FNDC7: variants seen among roughly 807,000 people sequenced by gnomAD.
The protein encoded by FNDC7 is fibronectin type III domain-containing protein 7.
FNDC7 carries 66 observed loss-of-function variants against 74.2 expected under a neutral mutation model. That is an observed-to-expected ratio of 0.89 (90% confidence interval 0.73 to 1.09). The LOEUF is 1.09. FNDC7 is among the 50% of genes least tolerant of loss of function. The probability of loss-of-function intolerance (pLI) is 0.00; values close to 1 mark genes in which losing one functional copy is unlikely to be tolerated. For synonymous variants in FNDC7, 307 were observed against 330.2 expected, an observed-to-expected ratio of 0.93 and a Z score of 0.76; for missense variants, 829 against 893.4, an observed-to-expected ratio of 0.93 and a Z score of 0.92.
intron 4 of FNDC7, among the ~76,000 whole-genome samples, chr1:108,720,527 C>A (rs1661071135): frequency 6.6e-6 from 1 of 152,152 alleles, no homozygotes; most frequent in African/African-American, 2.4e-5. Flanking sequence ...TTAGATTTCA[C>A]CTCTGGATTA....
intron 1 of FNDC7, 125 bp from the exon 2 acceptor site, chr1:108,713,386 G>A (rs1660910808): frequency 1.3e-6 from 1 of 796,578 alleles, no homozygotes; most frequent in South Asian, 1.6e-5. Context: ...TGTATGGATT[G>A]AAAGACTGCT....
Position 108,730,901 on chromosome 1 carries a change from G to A in FNDC7, c.1852G>A (p.Asp618Asn). 6.2e-7 allele frequency: 1 copy of A among 1,612,800 alleles called. No individual in the cohort carries two copies. Among genetic ancestry groups the A allele is most frequent in the East Asian group, 2.2e-5 (1 of 44,866 alleles). The change falls in exon 9 of 13, where the codon GAT (aspartate) becomes AAT (asparagine). Residue 618 changes from aspartate to asparagine, a missense_variant. Asp to Asn is a conservative substitution (Grantham distance 23, BLOSUM62 1). Transcript: ENST00000370017. The stretch of plus-strand genomic sequence containing the variant: ...AATTAGTGCCACCGGGTTGACTGCA[G>A]ATTGCTCCTACCAAAGTTATTTCTC... ...KAISATGLTA[D>N]CSYQSYFSGA...
intron 11 of FNDC7, 130 bp from the exon 12 acceptor site, chr1:108,741,643 T>C (rs921868482): frequency 6.0e-5 from 54 of 897,326 alleles, no homozygotes; most frequent in Non-Finnish European, 8.5e-5. Flanking sequence ...CATGTTTACT[T>C]GCCGTGAAGT....
intron 9 of FNDC7, among the ~76,000 whole-genome samples, 188 bp from the exon 10 acceptor site, chr1:108,733,084 T>C (rs1032532669): frequency 6.6e-6 from 1 of 152,098 alleles, no homozygotes; most frequent in African/African-American, 2.4e-5. Context: ...ACCCATGGAT[T>C]TCTGATTATG....
In FNDC7 at chr1:108,728,052, G is replaced by T. The variant is rs1661259400; in HGVS notation, c.1356G>T (p.Gln452His). 1.2e-6 allele frequency: 2 copies of T among 1,613,716 alleles called. No homozygotes were observed. The highest frequency in any genetic ancestry group is 8.5e-7 in the Non-Finnish European group (1 of 1,179,762). The change falls in exon 7 of 13, where the codon CAG (glutamine) becomes CAT (histidine). Residue 452 changes from glutamine (Q) to histidine (H), a missense_variant. Coordinates refer to ENST00000370017, the MANE Select transcript of FNDC7 (RefSeq NM_001144937.3). ...VRGSNMSCTP[Q>H]FITTAPCSPE... ...GCAGCAATATGTCATGTACTCCCCA[G>T]TTCATAACCACAGGTAAGGCACAGC...
intron 7 of FNDC7, among the ~76,000 whole-genome samples, chr1:108,728,337 G>A (rs1661265982): frequency 1.3e-5 from 2 of 152,296 alleles, no homozygotes; most frequent in South Asian, 4.1e-4. Context: ...CTATCTTTGA[G>A]GGGCCTGCCT....
chr1:108,735,407 A>G (rs761880312), intron 10 of FNDC7, among the ~76,000 whole-genome samples: 1 of 151,914 alleles, frequency 6.6e-6, no homozygotes, highest in Non-Finnish European at 1.5e-5. Flanking sequence ...AAACTTTTCC[A>G]TTTCCCCATA....
intron 11 of FNDC7, among the ~76,000 whole-genome samples, chr1:108,740,988 G>C (rs1048258799): frequency 1.3e-5 from 2 of 152,160 alleles, no homozygotes; most frequent in African/African-American, 4.8e-5. Context: ...TGTGGTCCTG[G>C]TGCCAAAAGT....
chr1:108,728,864 C>G lies in FNDC7; in HGVS notation c.1602C>G (p.Ser534Arg). The change falls in exon 8 of 13, where the codon AGC becomes AGG. Residue 534 changes from serine (S) to arginine (R), a missense_variant. Coordinates refer to ENST00000370017, the MANE Select transcript of FNDC7 (RefSeq NM_001144937.3). ...CACAGGCAGGACGGAGCCTGCCCAG[C>G]TACAGTGTGCCCCTGGAAACAGGTA... ...AETQAGRSLP[S>R]YSVPLETVPC... is the part of the protein sequence containing the mutation. The G allele has an allele frequency of 6.2e-7, 1 of 1,614,124 alleles. No homozygotes were observed. The highest frequency in any genetic ancestry group is 8.5e-7 in the Non-Finnish European group (1 of 1,180,004).
chr1:108,728,955 C>T (rs924130148), intron 8 of FNDC7, 69 bp downstream of exon 8: 4 of 1,560,574 alleles, frequency 2.6e-6, no homozygotes, highest in East Asian at 2.3e-5. Flanking sequence ...AAGACATGAA[C>T]TTCCTTATTT....
At position 108,730,676 on chromosome 1, in the gene FNDC7, C is replaced by T. The variant is rs765229312; in HGVS notation, c.1627C>T (p.Pro543Ser). Residue 543 changes from proline (P) to serine (S), a missense_variant and splice_region_variant, in exon 9 of 13, where the codon CCA becomes TCA. Physicochemically the swap from Pro to Ser is moderately conservative, Grantham distance 74 (BLOSUM62 -1). Transcript: ENST00000370017. ...PSYSVPLETV[P>S]CCPTGLTVTQ... ...CTTTTTCTTTTATCCCATTTAAGTG[C>T]CATGCTGTCCAACCGGTCTGACAGT... The T allele has an allele frequency of 1.9e-5, 30 of 1,539,538 alleles. No individual in the cohort carries two copies. The highest frequency in any genetic ancestry group is 2.5e-5 in the Non-Finnish European group (29 of 1,139,820).
chr1:108,727,113 G>A (rs1661236914), intron 6 of FNDC7, among the ~76,000 whole-genome samples: 1 of 152,270 alleles, frequency 6.6e-6, no homozygotes, highest in East Asian at 1.9e-4. Context: ...ATCACTTGAG[G>A]TCAGGAGTTG....
rs183659613 is a variant in FNDC7 at position 108,715,518 on chromosome 1, A to G, written c.82+1989A>G. Among the ~76,000 whole-genome samples, 419 of 152,230 alleles carry G rather than the reference A, an allele frequency of 2.8e-3. 1 individual carries two copies. Among genetic ancestry groups the G allele is most frequent in the Non-Finnish European group, 4.5e-3 (306 of 68,014 alleles). On this transcript the variant is annotated intron_variant, in intron 2 of 12. Coordinates refer to ENST00000370017, the MANE Select transcript of FNDC7 (RefSeq NM_001144937.3). ...CCTAAAACCAGGTGTAAAACAGACAATCTCTCTCTCCAGCCTGTGTTTGCC... is the reference window on the plus strand; with the variant it reads ...CCTAAAACCAGGTGTAAAACAGACAGTCTCTCTCTCCAGCCTGTGTTTGCC...
chr1:108,717,904 A>G lies in FNDC7; in HGVS notation c.210A>G (p.Glu70=), dbSNP rs751430357. 1.8e-4 allele frequency: 274 copies of G among 1,551,712 alleles called. No individual in the cohort carries two copies. Among genetic ancestry groups the G allele is most frequent in the Admixed American group, 3.9e-4 (20 of 50,992 alleles). Residue 70 remains glutamate, a synonymous_variant, in exon 3 of 13, where the codon GAA becomes GAG. Transcript: ENST00000370017. Reference sequence around the variant, plus strand: ...CTGAAGACGGGGACACAGTCATTGAAACCACGGTGGCCAATTCCCCAGGCA... The same window carrying G: ...CTGAAGACGGGGACACAGTCATTGAGACCACGGTGGCCAATTCCCCAGGCA... The part of the protein sequence containing the change: ...LTAEDGDTVI[E]TTVANSPGTV...
At chr1:108,713,320 AG>A (rs1660910143) in intron 1 of FNDC7, 190 bp from the exon 2 acceptor site, 1 of 623,196 alleles carries the variant, frequency 1.6e-6, no homozygotes, top group African/African-American at 1.8e-5. Flanking sequence ...AATTCTATTT[AG>A]AGTTGTTTTG....
At chr1:108,720,610 G>A (rs560761420) in intron 4 of FNDC7, among the ~76,000 whole-genome samples, 24 of 152,320 alleles carry the variant, frequency 1.6e-4, no homozygotes, top group Admixed American at 2.6e-4. Context: ...TGGTTCTGGA[G>A]GCTACGAAGT....
Position 108,725,815 on chromosome 1 carries a change from T to C in FNDC7, c.922T>C (p.Ser308Pro). Residue 308 changes from serine to proline, a missense_variant, in exon 6 of 13, where the codon TCC becomes CCC. Physicochemically the swap from Ser to Pro is moderately conservative, Grantham distance 74. Transcript: ENST00000370017. ...DPPGHLSVAWSSVDLGDYYVV... is the reference protein window; with the variant it reads ...DPPGHLSVAWPSVDLGDYYVV... Reference sequence around the variant, plus strand: ...CCCTGGCCACCTGTCTGTGGCTTGGTCCAGTGTAGATCTGGGTGACTACTA... The same window carrying C: ...CCCTGGCCACCTGTCTGTGGCTTGGCCCAGTGTAGATCTGGGTGACTACTA... The C allele has an allele frequency of 6.2e-7, 1 of 1,614,178 alleles. No homozygotes were observed. Among genetic ancestry groups the C allele is most frequent in the Non-Finnish European group, 8.5e-7 (1 of 1,180,002 alleles).
chr1:108,728,407 A>C (rs781762827), intron 7 of FNDC7, among the ~76,000 whole-genome samples: 14 of 152,204 alleles, frequency 9.2e-5, no homozygotes, highest in Non-Finnish European at 1.6e-4. Context: ...TTTGGAGTTC[A>C]CAATGCTTTT....
intron 5 of FNDC7, 48 bp downstream of exon 5, chr1:108,722,640 C>A: frequency 6.5e-7 from 1 of 1,544,612 alleles, no homozygotes; most frequent in Non-Finnish European, 8.7e-7. Flanking sequence ...GCCCTGACTG[C>A]TGTAAGGGAG....
Sources: gnomAD v4.1 joint callset for allele counts (sites outside exome capture counted in the v4.1 genomes callset) on GRCh38, gnomAD v4.1.1 for gene constraint, MANE v1.5 for transcripts, NCBI Gene and HGNC (gene_info 2026-07-23, HGNC 2026-07-21) for gene names.